ZBTB16: variants seen among roughly 807,000 people sequenced by gnomAD.
ZBTB16 encodes the protein zinc finger and BTB domain-containing protein 16.
In ZBTB16, 8 loss-of-function variants were observed where a neutral mutation model predicts 56.8. The observed-to-expected ratio is 0.14, with a 90% CI of 0.08 to 0.25. ZBTB16 has a LOEUF of 0.25. ZBTB16 is among the 10% of genes least tolerant of loss of function. The probability of loss-of-function intolerance (pLI) is 1.00; values close to 1 mark genes in which losing one functional copy is unlikely to be tolerated. For synonymous variants in ZBTB16, 363 were observed against 368.5 expected (o/e 0.98, Z 0.17); for missense variants, 625 against 903.0 (o/e 0.69, Z 3.95).
At chr11:114,169,511 C>T (rs1010160200) in intron 3 of ZBTB16, among the ~76,000 whole-genome samples, 7 of 152,038 alleles carry the variant, frequency 4.6e-5, no homozygotes, top group African/African-American at 1.7e-4. Flanking sequence ...CTGGGTCACA[C>T]GTGTGGCCCT....
intron 4 of ZBTB16, among the ~76,000 whole-genome samples, chr11:114,235,776 CCT>C (rs1944575453): frequency 5.0e-5 from 7 of 138,710 alleles, no homozygotes; most frequent in African/African-American, 2.0e-4. Flanking sequence ...TTCGTTCCTT[CCT>C]TCCTTCCTTC....
rs556260979 is a variant in ZBTB16, at chr11:114,077,644, A to G, written c.1268+13076A>G. Among the ~76,000 whole-genome samples the G allele has an allele frequency of 2.6e-5, 4 of 152,284 alleles. No homozygotes were observed. The South Asian group carries it at 8.3e-4, about 32-fold the overall frequency. ...AGAGGAGAAGGTTGTGGCCACAGAAAGGAGTTGCCTCATCAGACGTGAAGC... is the reference window on the plus strand; with the variant it reads ...AGAGGAGAAGGTTGTGGCCACAGAAGGGAGTTGCCTCATCAGACGTGAAGC... On this transcript the variant is annotated intron_variant, in intron 2 of 6. Coordinates refer to ENST00000335953, the MANE Select transcript of ZBTB16 (RefSeq NM_006006.6).
chr11:114,246,393 A>AT (rs1249964774), intron 5 of ZBTB16, among the ~76,000 whole-genome samples: 1 of 152,116 alleles, frequency 6.6e-6, no homozygotes, highest in East Asian at 1.9e-4. Flanking sequence ...GAAGCATCTC[A>AT]TTTTTTTCTC....
At chr11:114,194,894 G>T (rs1943572764) in intron 4 of ZBTB16, among the ~76,000 whole-genome samples, 1 of 152,160 alleles carries the variant, frequency 6.6e-6, no homozygotes, top group Non-Finnish European at 1.5e-5. Context: ...CACTATCTTG[G>T]CTCAGGAAAC....
chr11:114,229,485 T>C (rs1944394646), intron 4 of ZBTB16, among the ~76,000 whole-genome samples: 1 of 152,176 alleles, frequency 6.6e-6, no homozygotes, highest in Non-Finnish European at 1.5e-5. Flanking sequence ...CTCCTGCATA[T>C]TAAACTTTAC....
chr11:114,100,514 T>C (rs529487099), intron 2 of ZBTB16, among the ~76,000 whole-genome samples: 77 of 152,342 alleles, frequency 5.1e-4, no homozygotes, highest in Non-Finnish European at 8.8e-4. Flanking sequence ...GTATTTAATA[T>C]TTCATCTAAT....
chr11:114,116,897 A>G (rs920029552), intron 2 of ZBTB16, among the ~76,000 whole-genome samples: 6 of 152,192 alleles, frequency 3.9e-5, no homozygotes, highest in African/African-American at 1.2e-4. Flanking sequence ...GAATCTAATA[A>G]GCTGGTAGGG....
chr11:114,167,612 C>T (rs183156914), intron 3 of ZBTB16, among the ~76,000 whole-genome samples: 41 of 152,078 alleles, frequency 2.7e-4, no homozygotes, highest in Admixed American at 2.2e-3. Context: ...TCTCCCTAAC[C>T]CTGATCTATA....
intron 2 of ZBTB16, among the ~76,000 whole-genome samples, chr11:114,153,075 T>C (rs913957872): frequency 6.6e-6 from 1 of 152,268 alleles, no homozygotes; most frequent in African/African-American, 2.4e-5. Flanking sequence ...TATTTCCACA[T>C]TGGCTGTTCT....
chr11:114,142,423 A>G (rs1941977074), intron 2 of ZBTB16, among the ~76,000 whole-genome samples: 2 of 152,360 alleles, frequency 1.3e-5, no homozygotes, highest in South Asian at 2.1e-4. Context: ...CTAACTGCTC[A>G]ATAACACAGG....
intron 2 of ZBTB16, among the ~76,000 whole-genome samples, chr11:114,147,341 C>T (rs1400048402): frequency 6.6e-6 from 1 of 152,164 alleles, no homozygotes; most frequent in African/African-American, 2.4e-5. Flanking sequence ...ACATTTCCTT[C>T]GCATGTATCC....
intron 2 of ZBTB16, among the ~76,000 whole-genome samples, chr11:114,120,254 C>G (rs1941303416): frequency 6.6e-6 from 1 of 152,178 alleles, no homozygotes. Flanking sequence ...TTCTGAGGTT[C>G]TCTCAGAACC....
chr11:114,112,243 A>G (rs1941030267), intron 2 of ZBTB16, among the ~76,000 whole-genome samples: 1 of 152,190 alleles, frequency 6.6e-6, no homozygotes, highest in East Asian at 1.9e-4. Flanking sequence ...TTCCCAGTCT[A>G]TCATTTGTCC....
chr11:114,097,351 G>A (rs1246292169), intron 2 of ZBTB16, among the ~76,000 whole-genome samples: 3 of 152,112 alleles, frequency 2.0e-5, no homozygotes, highest in African/African-American at 4.8e-5. Context: ...GTTTCAGTTG[G>A]GGGAGATGAA....
intron 4 of ZBTB16, among the ~76,000 whole-genome samples, chr11:114,207,959 G>T (rs115119002): frequency 0.014 from 2,065 of 152,262 alleles, 42 homozygotes; most frequent in African/African-American, 0.048. Flanking sequence ...CTGTTGGCCC[G>T]GCTTGTCCCG....
chr11:114,196,653 G>A (rs1161071187), intron 4 of ZBTB16, among the ~76,000 whole-genome samples: 1 of 152,156 alleles, frequency 6.6e-6, no homozygotes, highest in Non-Finnish European at 1.5e-5. Context: ...AGTACCTACT[G>A]TATGCTAGGT....
intron 4 of ZBTB16, among the ~76,000 whole-genome samples, chr11:114,207,340 A>G (rs1361660053): frequency 2.0e-5 from 3 of 152,094 alleles, no homozygotes; most frequent in African/African-American, 7.2e-5. Context: ...TGTATTTTCA[A>G]GCTCCCCAGG....
chr11:114,234,237 C>T (rs567113602), intron 4 of ZBTB16, among the ~76,000 whole-genome samples: 18 of 152,226 alleles, frequency 1.2e-4, no homozygotes, highest in African/African-American at 2.6e-4. Flanking sequence ...TTGACAAGGA[C>T]GAAATTGACA....
At chr11:114,141,057 ACC>A (rs879437975) in intron 2 of ZBTB16, among the ~76,000 whole-genome samples, 1 of 151,948 alleles carries the variant, frequency 6.6e-6, no homozygotes, top group Non-Finnish European at 1.5e-5. Context: ...AGCCCACTCT[ACC>A]GCCTCCGCAG....
Sources: allele counts gnomAD v4.1 joint callset (sites outside exome capture counted in the v4.1 genomes callset), GRCh38; gene constraint gnomAD v4.1.1; transcripts MANE v1.5; gene names NCBI Gene and HGNC (gene_info 2026-07-23, HGNC 2026-07-21).